Variants in KIF26B observed in about 807,000 individuals in gnomAD.
KIF26B encodes the protein kinesin-like protein KIF26B.
KIF26B carries 63 observed loss-of-function variants against 151.2 expected under a neutral mutation model. The ratio of observed to expected loss-of-function variants is 0.42; its 90% CI spans 0.34 to 0.51. The LOEUF is 0.51. Among genes scored for constraint, KIF26B ranks in the 20% least tolerant of loss-of-function variants. The pLI is 0.07. For missense variants in KIF26B, 2,813 were observed against 2,913.6 expected, an observed-to-expected ratio of 0.97 and a Z score of 0.79; for synonymous variants, 1,357 against 1,262.1, an observed-to-expected ratio of 1.08 and a Z score of -1.59.
chr1:245,666,556 T>C (rs73125112), intron 10 of KIF26B, among the ~76,000 whole-genome samples: 2,428 of 152,168 alleles, frequency 0.016, 67 homozygotes, highest in African/African-American at 0.055. Context: ...GCTTATTTGT[T>C]TGAATAAGGC....
intron 3 of KIF26B, among the ~76,000 whole-genome samples, chr1:245,398,749 A>G (rs565917044): frequency 1.1e-4 from 16 of 151,416 alleles, no homozygotes; most frequent in South Asian, 2.1e-4. Context: ...TTATAAAATG[A>G]TAGAATTCTA....
chr1:245,253,767 T>A (rs1670483413), intron 2 of KIF26B, among the ~76,000 whole-genome samples: 1 of 150,392 alleles, frequency 6.6e-6, no homozygotes, highest in Non-Finnish European at 1.5e-5. Flanking sequence ...AATTTTGTTT[T>A]AAATTTTCCT....
intron 4 of KIF26B, among the ~76,000 whole-genome samples, chr1:245,494,710 A>T (rs1394047994): frequency 6.6e-6 from 1 of 152,198 alleles, no homozygotes; most frequent in Non-Finnish European, 1.5e-5. Flanking sequence ...TAAATGATAC[A>T]ATAAAGAATT....
rs368844193 is a variant in KIF26B at position 245,633,899 on chromosome 1, A to G, written c.2099-12222A>G. The stretch of plus-strand genomic sequence containing the variant: ...ACAGTCATAGCTCACTGCAGCCTCA[A>G]ATTTGTAGTGTTCCTGCCACCTCAG... On this transcript the variant is annotated intron_variant, in intron 9 of 14. Coordinates refer to ENST00000407071, the MANE Select transcript of KIF26B (RefSeq NM_018012.4). 2.0e-4 allele frequency among the ~76,000 whole-genome samples: 31 copies of G among 152,216 alleles called. No individual in the cohort carries two copies. The East Asian group carries it at 3.5e-3, about 17-fold the overall frequency.
At chr1:245,655,208 A>G (rs1372208084) in intron 10 of KIF26B, among the ~76,000 whole-genome samples, 1 of 152,212 alleles carries the variant, frequency 6.6e-6, no homozygotes, top group Non-Finnish European at 1.5e-5. Flanking sequence ...TCATTTCTCC[A>G]TCAGCAAAAT....
chr1:245,369,310 C>G (rs1673047489), intron 3 of KIF26B, among the ~76,000 whole-genome samples: 1 of 152,168 alleles, frequency 6.6e-6, no homozygotes, highest in Admixed American at 6.5e-5. Context: ...CGAGTGAACA[C>G]ATAGCATAGT....
chr1:245,260,955 C>CA (rs1445735954), intron 2 of KIF26B, among the ~76,000 whole-genome samples: 1 of 152,204 alleles, frequency 6.6e-6, no homozygotes, highest in Non-Finnish European at 1.5e-5. Flanking sequence ...GATGCAATCA[C>CA]AGAGTCACAG....
intron 2 of KIF26B, among the ~76,000 whole-genome samples, chr1:245,315,291 A>T (rs563781098): frequency 1.4e-4 from 22 of 152,232 alleles, no homozygotes; most frequent in Non-Finnish European, 3.2e-4. Context: ...CTGGAGATGG[A>T]TGGTGGCAAC....
rs142960262 is a variant in KIF26B at position 245,195,344 on chromosome 1, CATTT to C, written c.465+38662_465+38665del. Among the ~76,000 whole-genome samples the C allele has an allele frequency of 3.9e-3, 600 of 152,282 alleles. 1 individual carries two copies. Among genetic ancestry groups the C allele is most frequent in the African/African-American group, 0.014 (588 of 41,548 alleles). ...AGTCTTTCTGAGATGGGAATAACAT[CATTT>C]GTTTGTTGCGCCTCAGTTCCACCGT... On this transcript the variant is annotated intron_variant, in intron 2 of 14. Coordinates refer to ENST00000407071, the MANE Select transcript of KIF26B (RefSeq NM_018012.4).
chr1:245,536,303 CT>C (rs1177074106), intron 4 of KIF26B, among the ~76,000 whole-genome samples: 1 of 151,956 alleles, frequency 6.6e-6, no homozygotes, highest in Non-Finnish European at 1.5e-5. Context: ...TTGAAAGACT[CT>C]TTCCTTCCTC....
At chr1:245,320,418 G>A (rs2102986732) in intron 2 of KIF26B, among the ~76,000 whole-genome samples, 1 of 152,274 alleles carries the variant, frequency 6.6e-6, no homozygotes, top group Admixed American at 6.5e-5. Flanking sequence ...CCTGTTATTA[G>A]CATCTTGCCT....
chr1:245,432,450 A>G (rs1243095800), intron 4 of KIF26B, among the ~76,000 whole-genome samples: 1 of 152,214 alleles, frequency 6.6e-6, no homozygotes, highest in African/African-American at 2.4e-5. Context: ...TGCCTGGGAC[A>G]ATAAACCAAA....
intron 4 of KIF26B, among the ~76,000 whole-genome samples, chr1:245,534,983 A>G (rs1211802734): frequency 6.6e-6 from 1 of 151,984 alleles, no homozygotes; most frequent in Admixed American, 6.6e-5. Flanking sequence ...GGGTCTCACC[A>G]TGTTGGTCAG....
rs1668631865 is a variant in KIF26B, at chr1:245,167,279, TA to T, written c.465+10597del. On this transcript the variant is annotated intron_variant, in intron 2 of 14. Transcript: ENST00000407071. This position sits in a 1 kb window ranked among gnomAD's most constrained non-coding sequence, Gnocchi z 4.2. The stretch of plus-strand genomic sequence containing the variant: ...TGACAAATAGAAACTTTTATTTTGA[TA>T]TGTCCTTATCTAAGTGATGTCTGAG... 6.6e-6 allele frequency among the ~76,000 whole-genome samples: 1 copy of T among 152,192 alleles called. No individual in the cohort carries two copies. Among genetic ancestry groups the T allele is most frequent in the Non-Finnish European group, 1.5e-5 (1 of 68,036 alleles).
chr1:245,553,283 G>A (rs753323001), intron 5 of KIF26B, among the ~76,000 whole-genome samples: 11 of 152,154 alleles, frequency 7.2e-5, no homozygotes, highest in Non-Finnish European at 1.3e-4. Flanking sequence ...GCCAACTCTG[G>A]AACCTGTCCT....
At chr1:245,689,208 C>T (rs537250456) in intron 12 of KIF26B, among the ~76,000 whole-genome samples, 4 of 152,358 alleles carry the variant, frequency 2.6e-5, no homozygotes, top group East Asian at 1.9e-4. Context: ...CCTGGCTCTT[C>T]GCCGTCCATT....
intron 2 of KIF26B, among the ~76,000 whole-genome samples, chr1:245,365,485 T>C (rs1006100911): frequency 6.8e-6 from 1 of 147,682 alleles, no homozygotes; most frequent in African/African-American, 2.6e-5. Context: ...CAAATGCTGA[T>C]CTTCCTGCCC....
chr1:245,198,953 G>GGTGGGAGAGTGTGGTT (rs1452035575), intron 2 of KIF26B, among the ~76,000 whole-genome samples: 8 of 152,060 alleles, frequency 5.3e-5, no homozygotes, highest in Non-Finnish European at 8.8e-5. Flanking sequence ...CGTCGGGGGA[G>GGTGGGAGAGTGTGGTT]GCGGGAGAGT....
chr1:245,593,073 C>A (rs972474465), intron 5 of KIF26B, among the ~76,000 whole-genome samples: 3 of 152,080 alleles, frequency 2.0e-5, no homozygotes, highest in African/African-American at 7.2e-5. Flanking sequence ...CATATGGAAT[C>A]AAAAAGATCT....
Sources: gnomAD v4.1 joint callset for allele counts (sites outside exome capture counted in the v4.1 genomes callset) on GRCh38, gnomAD v4.1.1 for gene constraint, Gnocchi (gnomAD v3.1) non-coding constraint, MANE v1.5 for transcripts, NCBI Gene and HGNC (gene_info 2026-07-23, HGNC 2026-07-21) for gene names.